CATSPERE: variants seen among roughly 807,000 people sequenced by gnomAD.
CATSPERE encodes cation channel sperm-associated auxiliary subunit epsilon.
In CATSPERE, 93 loss-of-function variants were observed where a neutral mutation model predicts 114.1. The observed-to-expected ratio is 0.81, with a 90% CI of 0.69 to 0.97. The LOEUF is 0.97. Among genes scored for constraint, CATSPERE ranks in the 50% least tolerant of loss-of-function variants. The pLI, the probability that CATSPERE is intolerant of heterozygous loss-of-function variation, is 0.00. For synonymous variants in CATSPERE, 341 were observed against 384.1 expected (o/e 0.89, Z 1.31); for missense variants, 1,058 against 1,131.6 (o/e 0.93, Z 0.93).
At chr1:244,626,933 T>C (rs1673274380) in intron 20 of CATSPERE, among the ~76,000 whole-genome samples, 1 of 152,214 alleles carries the variant, frequency 6.6e-6, no homozygotes, top group Non-Finnish European at 1.5e-5. Flanking sequence ...TTCAAAAACT[T>C]TGCATTCACG....
At chr1:244,452,004 G>C (rs575969038), upstream of CATSPERE, 102 of 557,508 alleles carry the variant, frequency 1.8e-4, no homozygotes, top group South Asian at 2.7e-3. Context: ...CCCGCTCAAG[G>C]GGGTACCATG....
chr1:244,451,832 G>A, upstream of CATSPERE: 1 of 1,567,970 alleles, frequency 6.4e-7, no homozygotes, highest in Non-Finnish European at 8.6e-7. The surrounding 1 kb of genome is among the most constrained non-coding windows in gnomAD (Gnocchi z 6.6). Context: ...CCAGTGACGC[G>A]AGGAGAGCCC....
upstream of CATSPERE, among the ~76,000 whole-genome samples, chr1:244,460,398 C>A (rs1666574519): frequency 6.6e-6 from 1 of 152,132 alleles, no homozygotes; most frequent in Non-Finnish European, 1.5e-5. Flanking sequence ...CTCATCTGAT[C>A]TTGTGGCCCC....
intron 5 of CATSPERE, among the ~76,000 whole-genome samples, chr1:244,485,904 CA>C: frequency 6.6e-6 from 1 of 151,822 alleles, no homozygotes; most frequent in East Asian, 1.9e-4. Context: ...CTTTGTTGCC[CA>C]AGGTAGTCTC....
At chr1:244,562,870 G>A (rs1405481484) in intron 10 of CATSPERE, among the ~76,000 whole-genome samples, 3 of 152,132 alleles carry the variant, frequency 2.0e-5, no homozygotes, top group East Asian at 1.9e-4. Flanking sequence ...TTCTCCTAAT[G>A]TTATCCCTCC....
Position 244,461,626 on chromosome 1 carries a change from G to A in CATSPERE, c.65+132G>A, listed in dbSNP as rs1409925774. On this transcript the variant is annotated intron_variant, in intron 1 of 21. Transcript: ENST00000366534. The stretch of plus-strand genomic sequence containing the variant: ...TGGCCGACCACTGCCTCGTCTCCTG[G>A]CTCCCCAACACCAGCCCCAGTGTCC... 57 of 633,950 alleles carry A rather than the reference G, an allele frequency of 9.0e-5. No individual in the cohort carries two copies. The East Asian group carries it at 1.8e-3, about 20-fold the overall frequency. The allele number at this position is 633,950 out of a possible 1,614,324, so 39.3% of individuals were successfully genotyped here. A position where few individuals can be genotyped will look rare whatever the true frequency, so the allele number is the denominator to read the frequency against.
chr1:244,591,227 A>G (rs957523412), intron 14 of CATSPERE, among the ~76,000 whole-genome samples: 2 of 152,248 alleles, frequency 1.3e-5, no homozygotes, highest in African/African-American at 2.4e-5. Context: ...GCTAGTTAAC[A>G]TATGTCTTAC....
intron 1 of CATSPERE, among the ~76,000 whole-genome samples, chr1:244,461,883 A>G (rs1165018468): frequency 6.6e-6 from 1 of 152,096 alleles, no homozygotes; most frequent in Non-Finnish European, 1.5e-5. Context: ...GCGCCATCAT[A>G]GCTCCCTGAA....
At position 244,573,516 on chromosome 1, in the gene CATSPERE, C is replaced by T. The variant is rs558491800; in HGVS notation, c.1950+744C>T. ...CAGTTCTGCTGGTTTCATCTGGGTT[C>T]GTGGATGTGATGTGGGCATCTGCTA... On this transcript the variant is annotated intron_variant, in intron 11 of 21. Transcript: ENST00000366534. The surrounding 1 kb of genome is among the most constrained non-coding windows in gnomAD (Gnocchi z 4.0). Among the ~76,000 whole-genome samples, 4 of 152,172 alleles carry T rather than the reference C, an allele frequency of 2.6e-5. No individual in the cohort carries two copies. The highest frequency in any genetic ancestry group is 2.1e-4 in the South Asian group (1 of 4,826).
chr1:244,535,832 CAGA>C (rs1233859862), intron 8 of CATSPERE, among the ~76,000 whole-genome samples: 1 of 152,082 alleles, frequency 6.6e-6, no homozygotes. Flanking sequence ...TTTTCTCAAG[CAGA>C]AGGAGTCTCT....
At position 244,553,624 on chromosome 1, in the gene CATSPERE, C is replaced by CACACACACACACACATATATACAT. The variant is rs1558485013; in HGVS notation, c.1029+825_1029+826insTATATACATACACACACACACACA. ...AAATACACACACACACACACACACA[C>CACACACACACACACATATATACAT]ACACACACACACACACACACATACA... On this transcript the variant is annotated intron_variant, in intron 9 of 21. Coordinates refer to ENST00000366534, the MANE Select transcript of CATSPERE (RefSeq NM_001130957.2). 1.0e-3 allele frequency among the ~76,000 whole-genome samples: 148 copies of CACACACACACACACATATATACAT among 144,498 alleles called. 2 individuals carry two copies. The highest frequency in any genetic ancestry group is 3.8e-3 in the African/African-American group (138 of 36,434). The allele number at this position is 144,498 out of a possible 152,430, so 94.8% of individuals were successfully genotyped here.
At chr1:244,617,437 T>G in intron 19 of CATSPERE, 92 bp from the exon 20 acceptor site, 1 of 1,010,070 alleles carries the variant, frequency 9.9e-7, no homozygotes, top group South Asian at 1.9e-5. Flanking sequence ...CCATTACATC[T>G]CTAAATAATT....
At chr1:244,474,691 C>T (rs1377515926) in intron 2 of CATSPERE, among the ~76,000 whole-genome samples, 1 of 146,992 alleles carries the variant, frequency 6.8e-6, no homozygotes, top group East Asian at 2.0e-4. Flanking sequence ...GTTGCTTAGT[C>T]TTAAATCACT....
chr1:244,610,386 A>C, intron 19 of CATSPERE, 60 bp downstream of exon 19: 1 of 1,269,044 alleles, frequency 7.9e-7, no homozygotes, highest in Non-Finnish European at 1.1e-6. Flanking sequence ...GCATTTTGCT[A>C]TTAACAAAAA....
chr1:244,559,954 G>A (rs532944882), intron 9 of CATSPERE, among the ~76,000 whole-genome samples: 4 of 152,004 alleles, frequency 2.6e-5, no homozygotes, highest in Non-Finnish European at 4.4e-5. Flanking sequence ...AAAATATATT[G>A]AAACAAATCA....
chr1:244,613,394 T>A (rs1670984825), intron 19 of CATSPERE, among the ~76,000 whole-genome samples: 1 of 152,130 alleles, frequency 6.6e-6, no homozygotes, highest in East Asian at 1.9e-4. Flanking sequence ...CGGCAAGAAA[T>A]GCTAGAAGAA....
At chr1:244,600,425 A>G (rs1341141918) in intron 17 of CATSPERE, among the ~76,000 whole-genome samples, 1 of 152,008 alleles carries the variant, frequency 6.6e-6, no homozygotes, top group African/African-American at 2.4e-5. Flanking sequence ...GTCACAAGGA[A>G]GGTTGTAACC....
rs780515154 is a variant in CATSPERE, at chr1:244,490,485, T to A, written c.351+14T>A. 5.1e-6 allele frequency: 7 copies of A among 1,380,068 alleles called. No individual in the cohort carries two copies. Among genetic ancestry groups the A allele is most frequent in the Non-Finnish European group, 7.2e-6 (7 of 973,340 alleles). The allele number at this position is 1,380,068 out of a possible 1,614,324, so 85.5% of individuals were successfully genotyped here. ...AACTTTACCCAGGTAAAATATTTTTTAAATTTTGTATAGCCTTCATATATC... is the reference window on the plus strand; with the variant it reads ...AACTTTACCCAGGTAAAATATTTTTAAAATTTTGTATAGCCTTCATATATC... On this transcript the variant is annotated intron_variant, in intron 6 of 21. Transcript: ENST00000366534.
At chr1:244,477,830 C>A in intron 3 of CATSPERE, 76 bp from the exon 4 acceptor site, 1 of 1,253,480 alleles carries the variant, frequency 8.0e-7, no homozygotes, top group Non-Finnish European at 1.1e-6. Context: ...AATTTTTAGG[C>A]TTAAAAAATA....
Sources: gnomAD v4.1 joint callset for allele counts (sites outside exome capture counted in the v4.1 genomes callset) on GRCh38, gnomAD v4.1.1 for gene constraint, Gnocchi (gnomAD v3.1) non-coding constraint, MANE v1.5 for transcripts, NCBI Gene and HGNC (gene_info 2026-07-23, HGNC 2026-07-21) for gene names.